Variants in SLC35E3 observed in about 807,000 individuals in gnomAD.
The protein encoded by SLC35E3 is bladder cancer-overexpressed gene 1 protein.
A neutral mutation model predicts 30.8 loss-of-function variants in SLC35E3; 28 were observed. That is an observed-to-expected ratio of 0.91 (90% confidence interval 0.67 to 1.25). SLC35E3 has a LOEUF of 1.25. Among genes scored for constraint, SLC35E3 ranks in the 50% most tolerant of loss-of-function variants. The pLI, the probability that SLC35E3 is intolerant of heterozygous loss-of-function variation, is 0.00. For synonymous variants in SLC35E3, 146 were observed against 149.2 expected (o/e 0.98, Z 0.16); for missense variants, 365 against 375.4 (o/e 0.97, Z 0.23).
chr12:68,747,787 A>G, intron 1 of SLC35E3, 143 bp from the exon 2 acceptor site: 1 of 498,738 alleles, frequency 2.0e-6, no homozygotes, highest in East Asian at 3.2e-5. Flanking sequence ...AGTTTTCCCA[A>G]GTCAAAACAG....
chr12:68,763,860 C>G (rs1879302025), intron 4 of SLC35E3, among the ~76,000 whole-genome samples: 2 of 152,188 alleles, frequency 1.3e-5, no homozygotes, highest in Non-Finnish European at 2.9e-5. Context: ...ACCTCTGCTA[C>G]TTAATAGCTC....
chr12:68,758,689 A>T (rs149253118), intron 3 of SLC35E3, among the ~76,000 whole-genome samples: 1 of 126,262 alleles, frequency 7.9e-6, no homozygotes, highest in Non-Finnish European at 1.7e-5. Context: ...CTGCTTTTTT[A>T]CTTGCAATTC....
In SLC35E3 at chr12:68,752,575, A is replaced by G. The variant is rs551295852; in HGVS notation, c.672+385A>G. Among the ~76,000 whole-genome samples the G allele has an allele frequency of 2.0e-5, 3 of 152,364 alleles. No homozygotes were observed. The South Asian group carries it at 6.2e-4, about 32-fold the overall frequency. On this transcript the variant is annotated intron_variant, in intron 3 of 4. Transcript: ENST00000398004. The stretch of plus-strand genomic sequence containing the variant: ...CGATTTTGAACATACGTAAAAATAT[A>G]AAGAAAGTGAAGGGGCCAGGCACAG...
intron 3 of SLC35E3, among the ~76,000 whole-genome samples, chr12:68,757,278 A>G (rs1301877336): frequency 1.3e-5 from 2 of 152,210 alleles, no homozygotes; most frequent in East Asian, 3.8e-4. Flanking sequence ...TAGCTTCTTT[A>G]TATTCTTCAA....
intron 4 of SLC35E3, among the ~76,000 whole-genome samples, chr12:68,763,033 C>T (rs771784650): frequency 7.9e-5 from 12 of 152,168 alleles, no homozygotes; most frequent in Non-Finnish European, 1.3e-4. Context: ...GGAGGAAGTA[C>T]GATCTATGAT....
intron 4 of SLC35E3, among the ~76,000 whole-genome samples, chr12:68,761,661 G>A (rs550766021): frequency 5.3e-5 from 8 of 152,276 alleles, no homozygotes; most frequent in African/African-American, 1.9e-4. Context: ...AGAACTACTG[G>A]ACTGAAAGAG....
Position 68,748,003 on chromosome 12 carries a change from C to G in SLC35E3, c.476C>G (p.Ala159Gly), listed in dbSNP as rs549788266. ...TTTAATTTCCTTGGAATGGTGTTTG[C>G]TGCTCTTGGTGTTTTAGTTACATCC... ...VKFNFLGMVF[A>G]ALGVLVTSLY... Residue 159 changes from alanine (A) to glycine (G), a missense_variant, in exon 2 of 5, where the codon GCT (alanine) becomes GGT (glycine). Ala to Gly is a moderately conservative substitution (Grantham distance 60). Transcript: ENST00000398004. The G allele has an allele frequency of 1.8e-4, 298 of 1,611,380 alleles. No individual in the cohort carries two copies. In the South Asian group the frequency reaches 2.4e-3, roughly 13 times the overall value.
At chr12:68,752,773 A>G (rs1347313545) in intron 3 of SLC35E3, among the ~76,000 whole-genome samples, 1 of 152,092 alleles carries the variant, frequency 6.6e-6, no homozygotes, top group Non-Finnish European at 1.5e-5. Context: ...TGGGAGGCTG[A>G]GGCGGGTGGA....
chr12:68,754,092 G>A (rs1353673253), intron 3 of SLC35E3, among the ~76,000 whole-genome samples: 1 of 151,808 alleles, frequency 6.6e-6, no homozygotes, highest in East Asian at 1.9e-4. Flanking sequence ...TGACCCACCC[G>A]CCTCGGCCTC....
intron 4 of SLC35E3, 73 bp downstream of exon 4, chr12:68,759,312 TTG>T: frequency 9.3e-7 from 1 of 1,078,326 alleles, no homozygotes; most frequent in Non-Finnish European, 1.4e-6. Context: ...ATTACCTTAT[TTG>T]AATCTCACAC....
chr12:68,773,100 C>T lies in SLC35E3; in HGVS notation c.*8210C>T, dbSNP rs745573070. ...CCGTGCTTGGGGCGGTGACCCTTGACCCCATTCCTATTTAAACATCTGGAT... is the reference window on the plus strand; with the variant it reads ...CCGTGCTTGGGGCGGTGACCCTTGATCCCATTCCTATTTAAACATCTGGAT... On this transcript the variant is annotated 3_prime_UTR_variant, in exon 5 of 5. Coordinates refer to ENST00000398004, the MANE Select transcript of SLC35E3 (RefSeq NM_018656.5). 1 of 152,238 alleles carries T rather than the reference C, an allele frequency of 6.6e-6. No individual in the cohort carries two copies. Among genetic ancestry groups the T allele is most frequent in the Non-Finnish European group, 1.5e-5 (1 of 68,058 alleles). The allele number at this position is 152,238 out of a possible 1,614,324, so 9.4% of individuals were successfully genotyped here. A position where few individuals can be genotyped will look rare whatever the true frequency, so the allele number is the denominator to read the frequency against.
rs1288819182 is a variant in SLC35E3, at chr12:68,770,275, C to T, written c.*5385C>T. ...AAATGTAGATAGACCTCAGGCCATA[C>T]AATACCTGGAGGCTATGGTAAGCAT... On this transcript the variant is annotated 3_prime_UTR_variant, in exon 5 of 5. Transcript: ENST00000398004. The T allele has an allele frequency of 6.6e-6, 1 of 152,190 alleles. No individual in the cohort carries two copies. Among genetic ancestry groups the T allele is most frequent in the Non-Finnish European group, 1.5e-5 (1 of 68,084 alleles). 9.4% of individuals were successfully genotyped at this position (152,190 alleles called of 1,614,324 possible).
rs1350746075 is a variant in SLC35E3, at chr12:68,765,338, C to CTT, written c.*455_*456dup. ...AAAGCAGATTTTATTCATATAATGACTTTTTTTTAAGAGTCTCTTTTTTAA... is the reference window on the plus strand; with the variant it reads ...AAAGCAGATTTTATTCATATAATGACTTTTTTTTTTAAGAGTCTCTTTTTTAA... On this transcript the variant is annotated 3_prime_UTR_variant, in exon 5 of 5. Coordinates refer to ENST00000398004, the MANE Select transcript of SLC35E3 (RefSeq NM_018656.5). 1 of 151,842 alleles carries CTT rather than the reference C, an allele frequency of 6.6e-6. No homozygotes were observed. The highest frequency in any genetic ancestry group is 6.6e-5 in the Admixed American group (1 of 15,228). The allele number at this position is 151,842 out of a possible 1,614,324, so 9.4% of individuals were successfully genotyped here. A position where few individuals can be genotyped will look rare whatever the true frequency, so the allele number is the denominator to read the frequency against.
rs145401903 is a variant in SLC35E3 at position 68,756,838 on chromosome 12, C to T, written c.673-2319C>T. ...CATCCTGGCTAACACGGTGAAACCC[C>T]GTCTCTACTAAAAATACAAAAACAA... On this transcript the variant is annotated intron_variant, in intron 3 of 4. Coordinates refer to ENST00000398004, the MANE Select transcript of SLC35E3 (RefSeq NM_018656.5). Among the ~76,000 whole-genome samples the T allele has an allele frequency of 7.2e-3, 1,092 of 152,154 alleles. 13 individuals carry two copies. Among genetic ancestry groups the T allele is most frequent in the Non-Finnish European group, 9.1e-3 (619 of 68,006 alleles).
chr12:68,753,890 G>A lies in SLC35E3; in HGVS notation c.672+1700G>A, dbSNP rs141099135. On this transcript the variant is annotated intron_variant, in intron 3 of 4. Coordinates refer to ENST00000398004, the MANE Select transcript of SLC35E3 (RefSeq NM_018656.5). Reference sequence around the variant, plus strand: ...TTTTGAGATGGAGTCTCACTCTGTCGCCCAGGCTGGAGTGCAGTGGTGCAA... The same window carrying A: ...TTTTGAGATGGAGTCTCACTCTGTCACCCAGGCTGGAGTGCAGTGGTGCAA... Among the ~76,000 whole-genome samples, 1,326 of 149,876 alleles carry A rather than the reference G, an allele frequency of 8.8e-3. 11 individuals carry two copies. The highest frequency in any genetic ancestry group is 0.025 in the South Asian group (118 of 4,712).
rs1398950014 is a variant in SLC35E3, at chr12:68,774,818, T to A, written c.*9928T>A. On this transcript the variant is annotated 3_prime_UTR_variant, in exon 5 of 5. Transcript: ENST00000398004. ...AAACAATGCCGTTAGATGCCCTATC[T>A]CTTAAAAAAAAAAAAAAAAAGATAA... The A allele has an allele frequency of 6.7e-5, 2 of 29,880 alleles. No homozygotes were observed. The highest frequency in any genetic ancestry group is 1.2e-4 in the Non-Finnish European group (2 of 16,168). 1.9% of individuals were successfully genotyped at this position (29,880 alleles called of 1,614,324 possible).
chr12:68,780,126 T>C lies in SLC35E3; in HGVS notation c.*15236T>C, dbSNP rs2136090450. ...TTTTTATTTAAATTTGCTCAAAATT[T>C]TTATTTTTAAATCTTAACAATTTCT... On this transcript the variant is annotated 3_prime_UTR_variant, in exon 5 of 5. Coordinates refer to ENST00000398004, the MANE Select transcript of SLC35E3 (RefSeq NM_018656.5). 1 of 152,188 alleles carries C rather than the reference T, an allele frequency of 6.6e-6. No individual in the cohort carries two copies. Among genetic ancestry groups the C allele is most frequent in the East Asian group, 1.9e-4 (1 of 5,198 alleles). The allele number at this position is 152,188 out of a possible 1,614,324, so 9.4% of individuals were successfully genotyped here. A position where few individuals can be genotyped will look rare whatever the true frequency, so the allele number is the denominator to read the frequency against.
At chr12:68,748,232 ATACC>A (rs1490331779) in intron 2 of SLC35E3, among the ~76,000 whole-genome samples, 192 bp downstream of exon 2, 1 of 152,208 alleles carries the variant, frequency 6.6e-6, no homozygotes, top group Non-Finnish European at 1.5e-5. Flanking sequence ...TGCTCACCAA[ATACC>A]TACCTGTTTG....
rs891857354 is a variant in SLC35E3, at chr12:68,777,154, G to A, written c.*12264G>A. 2 of 152,144 alleles carry A rather than the reference G, an allele frequency of 1.3e-5. No individual in the cohort carries two copies. Among genetic ancestry groups the A allele is most frequent in the Non-Finnish European group, 2.9e-5 (2 of 68,034 alleles). 9.4% of individuals were successfully genotyped at this position (152,144 alleles called of 1,614,324 possible). On this transcript the variant is annotated 3_prime_UTR_variant, in exon 5 of 5. Transcript: ENST00000398004. Reference sequence around the variant, plus strand: ...TCTAGGAAAAACTCACTCTAATAACGTTCCAGGAATTTCCTAAGACCATAG... The same window carrying A: ...TCTAGGAAAAACTCACTCTAATAACATTCCAGGAATTTCCTAAGACCATAG...
Sources: gnomAD v4.1 joint callset for allele counts (sites outside exome capture counted in the v4.1 genomes callset) on GRCh38, gnomAD v4.1.1 for gene constraint, MANE v1.5 for transcripts, NCBI Gene and HGNC (gene_info 2026-07-23, HGNC 2026-07-21) for gene names.